The following UNC80 variants were observed in gnomAD, a reference collection of about 807,000 sequenced individuals.
UNC80 encodes the protein protein unc-80 homolog.
In UNC80, 164 loss-of-function variants were observed where a neutral mutation model predicts 384.6. That is an observed-to-expected ratio of 0.43 (90% confidence interval 0.38 to 0.49). The LOEUF is 0.49. Ranked by LOEUF, UNC80 falls within the 20% of genes least tolerant of loss-of-function variation. UNC80 has a pLI of 0.00. For synonymous variants in UNC80, 1,486 were observed against 1,527.8 expected, an observed-to-expected ratio of 0.97 and a Z score of 0.64; for missense variants, 3,330 against 4,143.0, an observed-to-expected ratio of 0.80 and a Z score of 5.39.
intron 27 of UNC80, among the ~76,000 whole-genome samples, chr2:209,895,754 C>T (rs1321603024): frequency 6.6e-6 from 1 of 152,178 alleles, no homozygotes; most frequent in African/African-American, 2.4e-5. Context: ...TTTATACTTT[C>T]ACACAGAGAG....
intron 62 of UNC80, among the ~76,000 whole-genome samples, chr2:209,992,822 G>C (rs567623161): frequency 1.3e-5 from 2 of 152,322 alleles, no homozygotes; most frequent in South Asian, 4.1e-4. Context: ...ATCATCTTTA[G>C]AGATTTCCTT....
chr2:209,918,744 A>G, intron 33 of UNC80, 81 bp downstream of exon 33: 2 of 1,388,694 alleles, frequency 1.4e-6, no homozygotes, highest in Non-Finnish European at 9.5e-7. Flanking sequence ...GTTCATTCTC[A>G]TCATAAGAAT....
intron 4 of UNC80, among the ~76,000 whole-genome samples, chr2:209,781,541 G>T (rs928313246): frequency 6.6e-6 from 1 of 152,022 alleles, no homozygotes; most frequent in African/African-American, 2.4e-5. Context: ...CCCTCTTCTT[G>T]AAAGGTTCAG....
chr2:209,850,977 G>A (rs945272941), intron 22 of UNC80, among the ~76,000 whole-genome samples: 1 of 151,852 alleles, frequency 6.6e-6, no homozygotes, highest in Non-Finnish European at 1.5e-5. Flanking sequence ...GTTCCCAAAG[G>A]AGCAGATTAA....
chr2:209,778,688 C>G (rs1476440454), intron 4 of UNC80, among the ~76,000 whole-genome samples: 1 of 152,070 alleles, frequency 6.6e-6, no homozygotes, highest in Non-Finnish European at 1.5e-5. Context: ...CACTGCAGTT[C>G]CAATGCATGA....
intron 56 of UNC80, among the ~76,000 whole-genome samples, chr2:209,975,013 T>C (rs2092976083): frequency 6.6e-6 from 1 of 152,178 alleles, no homozygotes; most frequent in Non-Finnish European, 1.5e-5. Context: ...GGAATATGGG[T>C]AAGAAGGAAT....
intron 7 of UNC80, among the ~76,000 whole-genome samples, chr2:209,812,934 T>C (rs1371009127): frequency 6.6e-6 from 1 of 152,232 alleles, no homozygotes; most frequent in African/African-American, 2.4e-5. Context: ...TTTAAAAAAT[T>C]AGTCTTGCTC....
At chr2:209,844,224 G>T (rs151243005) in intron 21 of UNC80, among the ~76,000 whole-genome samples, 1 of 152,036 alleles carries the variant, frequency 6.6e-6, no homozygotes, top group Admixed American at 6.5e-5. Flanking sequence ...TGTTCTCCAG[G>T]TATGTGTCAT....
chr2:209,831,185 T>C (rs2080940049), intron 15 of UNC80, among the ~76,000 whole-genome samples: 1 of 152,152 alleles, frequency 6.6e-6, no homozygotes, highest in Non-Finnish European at 1.5e-5. Context: ...GTTGGTTTCC[T>C]TTCCTTTGCT....
At chr2:209,891,375 T>C (rs1017067044) in intron 26 of UNC80, among the ~76,000 whole-genome samples, 1 of 152,168 alleles carries the variant, frequency 6.6e-6, no homozygotes, top group Admixed American at 6.5e-5. Flanking sequence ...CAGACAATTA[T>C]ACTGCATATG....
Position 209,939,507 on chromosome 2 carries a change from G to A in UNC80, c.6501G>A (p.Val2167=), listed in dbSNP as rs1310322700. Residue 2167 remains valine (V), a synonymous_variant, in exon 43 of 65, where the codon GTG becomes GTA. Coordinates refer to ENST00000673920, the MANE Select transcript of UNC80 (RefSeq NM_001371986.1). ...GAAAGCTGGAAGAAGTAGGGCGGGT[G>A]TTGTTTCTCATCTCCCTAACCCAGA... ...FTRKLEEVGR[V]LFLISLTQKI... is the part of the protein sequence containing the mutation. 7 of 1,551,134 alleles carry A rather than the reference G, an allele frequency of 4.5e-6. No individual in the cohort carries two copies. In the East Asian group the frequency reaches 7.3e-5, roughly 16 times the overall value.
At chr2:209,956,922 C>G (rs940395485) in intron 48 of UNC80, among the ~76,000 whole-genome samples, 1 of 152,090 alleles carries the variant, frequency 6.6e-6, no homozygotes, top group Non-Finnish European at 1.5e-5. Flanking sequence ...CTAGCCATCC[C>G]CAGCAGACAG....
At chr2:209,862,363 G>A (rs528560977) in intron 22 of UNC80, among the ~76,000 whole-genome samples, 76 of 152,252 alleles carry the variant, frequency 5.0e-4, no homozygotes, top group South Asian at 1.2e-3. Context: ...CTGAGTTCAA[G>A]TCCTGAATAT....
rs10584249 is a variant in UNC80, at chr2:209,942,855, T to TAC, written c.6916-498_6916-497dup. Among the ~76,000 whole-genome samples, 164 of 145,782 alleles carry TAC rather than the reference T, an allele frequency of 1.1e-3. 1 individual carries two copies. The highest frequency in any genetic ancestry group is 7.3e-3 in the East Asian group (37 of 5,062). On this transcript the variant is annotated intron_variant, in intron 44 of 64. Coordinates refer to ENST00000673920, the MANE Select transcript of UNC80 (RefSeq NM_001371986.1). ...ACTTACAAATCCTGGCACTCTTTCC[T>TAC]ACACACACACACACACACACACACA...
intron 25 of UNC80, among the ~76,000 whole-genome samples, chr2:209,885,169 T>A (rs1292581814): frequency 6.6e-6 from 1 of 151,074 alleles, no homozygotes; most frequent in African/African-American, 2.4e-5. Context: ...AAGACAAAAC[T>A]AATGAATATT....
At chr2:209,962,678 G>A (rs983545102) in intron 51 of UNC80, among the ~76,000 whole-genome samples, 4 of 152,078 alleles carry the variant, frequency 2.6e-5, no homozygotes, top group East Asian at 1.9e-4. Context: ...CTTTATTAAC[G>A]CAATTTCTCA....
At chr2:209,973,635 G>T (rs1359614714) in intron 56 of UNC80, among the ~76,000 whole-genome samples, 1 of 152,156 alleles carries the variant, frequency 6.6e-6, no homozygotes, top group Admixed American at 6.5e-5. Flanking sequence ...ATTCTTCCAT[G>T]CTGATTAAGT....
At position 209,928,974 on chromosome 2, in the gene UNC80, G is replaced by A. The variant is rs147239432; in HGVS notation, c.5807-897G>A. 4.9e-3 allele frequency among the ~76,000 whole-genome samples: 744 copies of A among 152,156 alleles called. 6 individuals carry two copies. Among genetic ancestry groups the A allele is most frequent in the Non-Finnish European group, 7.9e-3 (538 of 67,986 alleles). ...TTATTTCACATGTAAAGATATTTTT[G>A]CAATCAATATCAACCTGAGAAAAAC... On this transcript the variant is annotated intron_variant, in intron 36 of 64. Transcript: ENST00000673920.
chr2:209,982,077 A>AGTT, intron 59 of UNC80, 102 bp from the exon 60 acceptor site: 21 of 1,196,102 alleles, frequency 1.8e-5, no homozygotes, highest in Non-Finnish European at 2.3e-5. Flanking sequence ...CACAGCCCTA[A>AGTT]GTTGTACACA....
Sources: allele counts gnomAD v4.1 joint callset (sites outside exome capture counted in the v4.1 genomes callset), GRCh38; gene constraint gnomAD v4.1.1; transcripts MANE v1.5; gene names NCBI Gene and HGNC (gene_info 2026-07-23, HGNC 2026-07-21).